Variants in STK32B observed in about 807,000 individuals in gnomAD.
STK32B encodes serine/threonine kinase 32B.
STK32B carries 43 observed loss-of-function variants against 52.6 expected under a neutral mutation model. That is an observed-to-expected ratio of 0.82 (90% CI 0.64 to 1.05). The LOEUF (loss-of-function observed/expected upper bound fraction) is 1.05. Among genes scored for constraint, STK32B ranks in the 50% least tolerant of loss-of-function variants. STK32B has a pLI of 0.00. For synonymous variants in STK32B, 238 were observed against 204.3 expected (o/e 1.17, Z -1.41); for missense variants, 621 against 534.6 (o/e 1.16, Z -1.59).
chr4:5,177,075 C>G (rs112188077), intron 3 of STK32B, among the ~76,000 whole-genome samples: 1 of 152,012 alleles, frequency 6.6e-6, no homozygotes, highest in African/African-American at 2.4e-5. Flanking sequence ...TATTGTTCAC[C>G]GTAAGAGGTT....
rs1267819785 is a variant in STK32B, at chr4:5,357,085, G to GTA, written c.434+25695_434+25696dup. ...TATACACACATATACACACACACAC[G>GTA]TATACACACACACACACACACACAC... On this transcript the variant is annotated intron_variant, in intron 4 of 11. Transcript: ENST00000282908. Among the ~76,000 whole-genome samples, 787 of 121,292 alleles carry GTA rather than the reference G, an allele frequency of 6.5e-3. 12 individuals carry two copies. The highest frequency in any genetic ancestry group is 0.031 in the African/African-American group (758 of 24,620). 79.6% of individuals were successfully genotyped at this position (121,292 alleles called of 152,430 possible). A position where few individuals can be genotyped will look rare whatever the true frequency, so the allele number is the denominator to read the frequency against.
chr4:5,043,396 A>G, the STK32B span, among the ~76,000 whole-genome samples: 1 of 152,184 alleles, frequency 6.6e-6, no homozygotes, highest in African/African-American at 2.4e-5. Context: ...AAGCATATTT[A>G]TTATGTATTA....
intron 4 of STK32B, among the ~76,000 whole-genome samples, chr4:5,389,343 CA>C (rs1368859901): frequency 6.6e-6 from 1 of 152,166 alleles, no homozygotes; most frequent in Non-Finnish European, 1.5e-5. Context: ...GCAGCTTAAA[CA>C]ACAGAAATTA....
At chr4:5,155,022 C>G (rs934284672) in intron 2 of STK32B, among the ~76,000 whole-genome samples, 3 of 152,212 alleles carry the variant, frequency 2.0e-5, no homozygotes, top group Non-Finnish European at 4.4e-5. Flanking sequence ...TTTCTATCCT[C>G]TCTGTCTTCC....
chr4:5,398,124 AT>A lies in STK32B; in HGVS notation c.435-80del. On this transcript the variant is annotated intron_variant, in intron 4 of 11. Transcript: ENST00000282908. The surrounding 1 kb of genome is among the most constrained non-coding windows in gnomAD (Gnocchi z 4.9). ...AGGTGAGCAGCCTGGGTGTTCCAGC[AT>A]TTGTCCTGATGTGGTGCTTGTCTAT... 1.3e-6 allele frequency: 2 copies of A among 1,522,846 alleles called. No homozygotes were observed. Among genetic ancestry groups the A allele is most frequent in the Non-Finnish European group, 9.0e-7 (1 of 1,111,056 alleles). 94.3% of individuals were successfully genotyped at this position (1,522,846 alleles called of 1,614,324 possible). A position where few individuals can be genotyped will look rare whatever the true frequency, so the allele number is the denominator to read the frequency against.
chr4:5,113,298 G>A (rs372628825), intron 1 of STK32B, among the ~76,000 whole-genome samples: 3 of 152,084 alleles, frequency 2.0e-5, no homozygotes, highest in Admixed American at 6.5e-5. Flanking sequence ...CTCACAAGAC[G>A]TTGAATCTGC....
At chr4:5,342,311 C>T (rs186617701) in intron 4 of STK32B, among the ~76,000 whole-genome samples, 1 of 152,156 alleles carries the variant, frequency 6.6e-6, no homozygotes, top group Non-Finnish European at 1.5e-5. Flanking sequence ...AAATATCCAT[C>T]AATGGTAGAC....
At chr4:5,205,836 T>G (rs895373788) in intron 3 of STK32B, among the ~76,000 whole-genome samples, 1 of 152,096 alleles carries the variant, frequency 6.6e-6, no homozygotes, top group Non-Finnish European at 1.5e-5. Context: ...GGGAATTCTC[T>G]TTCACCGATT....
intron 4 of STK32B, among the ~76,000 whole-genome samples, chr4:5,336,058 G>A (rs2108962175): frequency 6.7e-6 from 1 of 150,256 alleles, no homozygotes; most frequent in South Asian, 2.1e-4. Flanking sequence ...GTAAAATGGA[G>A]AGTGCCTGGG....
chr4:5,175,143 C>G lies in STK32B; in HGVS notation c.260+6693C>G, dbSNP rs186097734. Among the ~76,000 whole-genome samples, 331 of 152,298 alleles carry G rather than the reference C, an allele frequency of 2.2e-3. 6 individuals carry two copies. The East Asian group carries it at 0.053, about 24-fold the overall frequency. On this transcript the variant is annotated intron_variant, in intron 3 of 11. Coordinates refer to ENST00000282908, the MANE Select transcript of STK32B (RefSeq NM_018401.3). ...CACGTAGTTCTCGTGCCGTGGTTTT[C>G]AGCTCCATCAGGTCCTTTAAGGACT... is the stretch of plus-strand genomic sequence containing the variant.
chr4:5,049,244 T>C (rs1025915450), upstream of STK32B, among the ~76,000 whole-genome samples: 29 of 152,012 alleles, frequency 1.9e-4, no homozygotes, highest in African/African-American at 6.5e-4. Flanking sequence ...TCACCCAGGT[T>C]GGAGTGCAGT....
Position 5,444,127 on chromosome 4 carries a change from G to A in STK32B, c.563-2546G>A, listed in dbSNP as rs866207760. 1.4e-3 allele frequency among the ~76,000 whole-genome samples: 208 copies of A among 152,264 alleles called. 1 individual carries two copies. Among genetic ancestry groups the A allele is most frequent in the African/African-American group, 4.0e-3 (168 of 41,570 alleles). The stretch of plus-strand genomic sequence containing the variant: ...GCCTCCTTGAGCTGTGGTGGGCTCC[G>A]CCCAGTTGGAGCTTCCGGGCTGCTT... On this transcript the variant is annotated intron_variant, in intron 6 of 11. Transcript: ENST00000282908.
chr4:5,324,411 C>A (rs946571920), intron 3 of STK32B, among the ~76,000 whole-genome samples: 2 of 152,094 alleles, frequency 1.3e-5, no homozygotes, highest in African/African-American at 4.8e-5. Context: ...AGAATTTGCA[C>A]CACATCAGTG....
intron 3 of STK32B, among the ~76,000 whole-genome samples, chr4:5,317,865 C>A (rs746353648): frequency 2.6e-5 from 4 of 152,006 alleles, no homozygotes; most frequent in African/African-American, 9.7e-5. Flanking sequence ...AAATGTAGAT[C>A]GGCACTTCTC....
At chr4:5,063,473 G>A (rs1332793182) in intron 1 of STK32B, among the ~76,000 whole-genome samples, 2 of 152,026 alleles carry the variant, frequency 1.3e-5, no homozygotes, top group South Asian at 2.1e-4. Flanking sequence ...CTCCCGAGTA[G>A]CTGGGACTAC....
chr4:5,325,253 T>C (rs1731798649), intron 3 of STK32B, among the ~76,000 whole-genome samples: 1 of 152,182 alleles, frequency 6.6e-6, no homozygotes, highest in Non-Finnish European at 1.5e-5. Context: ...GAACACCATC[T>C]TCATAAGAAT....
intron 1 of STK32B, among the ~76,000 whole-genome samples, chr4:5,064,770 A>G (rs1456028405): frequency 1.6e-4 from 19 of 115,620 alleles, no homozygotes; most frequent in African/African-American, 3.1e-4. Flanking sequence ...ATATATACTT[A>G]TATACATATA....
At chr4:5,494,001 A>T (rs1221046805) in intron 11 of STK32B, among the ~76,000 whole-genome samples, 1 of 152,234 alleles carries the variant, frequency 6.6e-6, no homozygotes, top group Non-Finnish European at 1.5e-5. Flanking sequence ...ACTTCCAAGT[A>T]TGTGGTCAAT....
rs545080609 is a variant in STK32B at position 5,220,635 on chromosome 4, G to A, written c.260+52185G>A. On this transcript the variant is annotated intron_variant, in intron 3 of 11. Transcript: ENST00000282908. ...GAGAAGGTCACCAAGGACCTTGTAT[G>A]TGAGCCTTAGGAATTTAGATTTCAT... Among the ~76,000 whole-genome samples the A allele has an allele frequency of 7.2e-5, 11 of 152,312 alleles. No homozygotes were observed. The South Asian group carries it at 1.5e-3, about 20-fold the overall frequency.
Sources: allele counts gnomAD v4.1 joint callset (sites outside exome capture counted in the v4.1 genomes callset), GRCh38; gene constraint gnomAD v4.1.1; non-coding constraint Gnocchi (gnomAD v3.1); transcripts MANE v1.5; gene names NCBI Gene and HGNC (gene_info 2026-07-23, HGNC 2026-07-21).